The following WDR49 variants were observed in gnomAD, a reference collection of about 807,000 sequenced individuals.
The protein encoded by WDR49 is cilia- and flagella-associated protein 337.
Under a neutral mutation model 119.5 loss-of-function variants are expected in WDR49, and 107 were observed. That is an observed-to-expected ratio of 0.90 (90% CI 0.77 to 1.05). The LOEUF (loss-of-function observed/expected upper bound fraction) is 1.05, where lower values mean the gene tolerates loss of function less well. Among genes scored for constraint, WDR49 ranks in the 50% least tolerant of loss-of-function variants. The pLI, the probability that WDR49 is intolerant of heterozygous loss-of-function variation, is 0.00. For missense variants in WDR49, 1,240 were observed against 1,220.5 expected (o/e 1.02, Z -0.24); for synonymous variants, 425 against 418.8 (o/e 1.01, Z -0.18).
At chr3:167,625,923 C>CAAA (rs755478227) in intron 3 of WDR49, among the ~76,000 whole-genome samples, 2 of 77,166 alleles carry the variant, frequency 2.6e-5, no homozygotes, top group African/African-American at 4.0e-5. Flanking sequence ...CCAAAATTTG[C>CAAA]AAAAAAAAAA....
chr3:167,517,189 C>T (rs1752245577), intron 16 of WDR49, among the ~76,000 whole-genome samples: 1 of 151,886 alleles, frequency 6.6e-6, no homozygotes, highest in African/African-American at 2.4e-5. Flanking sequence ...TCATATGGAA[C>T]CAAAAAAGAG....
Position 167,529,061 on chromosome 3 carries a change from C to T in WDR49, c.2397G>A (p.Trp799Ter). Residue 799 changes from tryptophan (W) to a stop codon, truncating the protein, a stop_gained, in exon 14 of 19, where the codon TGG (tryptophan) becomes TGA (stop). Coordinates refer to ENST00000682715, the MANE Select transcript of WDR49 (RefSeq NM_001366157.1). LOFTEE classifies it high-confidence loss of function. ...ATGTTTTTCAATTTACCTCTATATT[C>T]CAGATTTTCAACCATCCATCAAGAT... Reference protein sequence around the residue: ...TGDLDGWLKIWNIEEYCLNSS... With the variant: ...TGDLDGWLKI 1 of 1,575,790 alleles carries T rather than the reference C, an allele frequency of 6.3e-7. No individual in the cohort carries two copies. Among genetic ancestry groups the T allele is most frequent in the Non-Finnish European group, 8.6e-7 (1 of 1,166,308 alleles).
At chr3:167,545,427 A>G (rs2108257250) in intron 10 of WDR49, among the ~76,000 whole-genome samples, 1 of 149,884 alleles carries the variant, frequency 6.7e-6, no homozygotes, top group South Asian at 2.1e-4. Flanking sequence ...TCATAACTGC[A>G]AAAATATGGA....
At chr3:167,623,770 A>AT (rs1337701768) in intron 3 of WDR49, among the ~76,000 whole-genome samples, 1 of 152,016 alleles carries the variant, frequency 6.6e-6, no homozygotes, top group Non-Finnish European at 1.5e-5. Flanking sequence ...CTAGCTCTCT[A>AT]TATCTATTTG....
intron 16 of WDR49, among the ~76,000 whole-genome samples, chr3:167,512,607 C>T (rs1380817019): frequency 1.3e-5 from 2 of 152,088 alleles, no homozygotes; most frequent in African/African-American, 2.4e-5. Context: ...TGGGCTGAGG[C>T]AGAGATGGAT....
At chr3:167,531,425 C>T in intron 12 of WDR49, 146 bp from the exon 13 acceptor site, 1 of 931,824 alleles carries the variant, frequency 1.1e-6, no homozygotes, top group Non-Finnish European at 1.6e-6. Context: ...TCTATCAAGC[C>T]TTCTGCTATT....
At chr3:167,595,667 T>G (rs1470301158) in intron 7 of WDR49, among the ~76,000 whole-genome samples, 1 of 152,318 alleles carries the variant, frequency 6.6e-6, no homozygotes, top group African/African-American at 2.4e-5. Flanking sequence ...GCTAGCCATA[T>G]GTAGAAAGCT....
chr3:167,500,177 G>A lies in WDR49; in HGVS notation c.3007C>T (p.Leu1003=). ...KEPEEERPQI[L]EAPSLFKTLK... ...CTTTTAAAAAGTGACGGGGCCTCCA[G>A]AATTTGGGGACGCTCTTCCTCTGGT... The change falls in exon 18 of 19, where the codon CTG becomes TTG. Residue 1003 remains leucine (L), a synonymous_variant. Coordinates refer to ENST00000682715, the MANE Select transcript of WDR49 (RefSeq NM_001366157.1). 6.3e-7 allele frequency: 1 copy of A among 1,575,484 alleles called. No homozygotes were observed. Among genetic ancestry groups the A allele is most frequent in the South Asian group, 1.2e-5 (1 of 84,084 alleles).
At chr3:167,617,799 G>A (rs1009243643) in intron 5 of WDR49, among the ~76,000 whole-genome samples, 1 of 152,166 alleles carries the variant, frequency 6.6e-6, no homozygotes, top group Non-Finnish European at 1.5e-5. Flanking sequence ...GCTTCAGAGA[G>A]CTGCCTGTTT....
chr3:167,486,003 T>C (rs1577190047), intron 18 of WDR49, among the ~76,000 whole-genome samples: 1 of 149,654 alleles, frequency 6.7e-6, no homozygotes, highest in Non-Finnish European at 1.5e-5. Context: ...TTAGAAAGAA[T>C]GGTCAAGTCA....
chr3:167,617,219 T>C (rs373153999), intron 5 of WDR49, among the ~76,000 whole-genome samples: 2 of 151,872 alleles, frequency 1.3e-5, no homozygotes, highest in Non-Finnish European at 2.9e-5. Context: ...AGGAAAAACG[T>C]TGGCAAGAAA....
At chr3:167,511,394 C>T (rs1751964731) in intron 16 of WDR49, among the ~76,000 whole-genome samples, 1 of 152,042 alleles carries the variant, frequency 6.6e-6, no homozygotes, top group Non-Finnish European at 1.5e-5. Flanking sequence ...ATAACTTTGC[C>T]TCTCACCCCC....
At chr3:167,483,303 T>A (rs893320036) in intron 18 of WDR49, among the ~76,000 whole-genome samples, 1 of 152,198 alleles carries the variant, frequency 6.6e-6, no homozygotes, top group East Asian at 1.9e-4. Flanking sequence ...TGAGCCCTTC[T>A]GAAATATATT....
chr3:167,618,150 C>T (rs1327950734), intron 5 of WDR49, among the ~76,000 whole-genome samples: 2 of 152,160 alleles, frequency 1.3e-5, no homozygotes, highest in South Asian at 4.2e-4. Context: ...CCTCATCCAT[C>T]CTTCAAGTAC....
At chr3:167,636,984 G>C (rs1005128177) in intron 2 of WDR49, among the ~76,000 whole-genome samples, 7 of 151,810 alleles carry the variant, frequency 4.6e-5, no homozygotes, top group Admixed American at 2.0e-4. Context: ...TTATGCAAAA[G>C]CTCTTTAGTT....
At chr3:167,563,127 A>G (rs1028545767) in intron 8 of WDR49, among the ~76,000 whole-genome samples, 1 of 152,084 alleles carries the variant, frequency 6.6e-6, no homozygotes, top group Non-Finnish European at 1.5e-5. Context: ...AGCACTTTGG[A>G]AGGCCGAGGC....
At chr3:167,543,156 G>A (rs1384032761) in intron 10 of WDR49, among the ~76,000 whole-genome samples, 1 of 151,342 alleles carries the variant, frequency 6.6e-6, no homozygotes, top group Non-Finnish European at 1.5e-5. Flanking sequence ...AAAAAAAAAT[G>A]CCAACAAAAA....
intron 2 of WDR49, among the ~76,000 whole-genome samples, chr3:167,647,339 A>G (rs1211138576): frequency 1.3e-5 from 2 of 152,308 alleles, no homozygotes; most frequent in South Asian, 4.1e-4. Flanking sequence ...AATTTTTGTA[A>G]GTGCCTGTTG....
chr3:167,539,703 C>T (rs12489106), intron 10 of WDR49, among the ~76,000 whole-genome samples: 26,294 of 152,034 alleles, frequency 0.17, 2,395 homozygotes, highest in African/African-American at 0.25. Context: ...TTAAATGTCA[C>T]CTACTCAGGC....
Sources: allele counts gnomAD v4.1 joint callset (sites outside exome capture counted in the v4.1 genomes callset), GRCh38; gene constraint gnomAD v4.1.1; transcripts MANE v1.5; gene names NCBI Gene and HGNC (gene_info 2026-07-23, HGNC 2026-07-21).